Variants in PTPRT observed in about 807,000 individuals in gnomAD.
The protein encoded by PTPRT is protein tyrosine phosphatase receptor type T, also known as receptor-type tyrosine-protein phosphatase T.
PTPRT carries 56 observed loss-of-function variants against 176.8 expected under a neutral mutation model. The ratio of observed to expected loss-of-function variants is 0.32; its 90% CI spans 0.26 to 0.40. The LOEUF (loss-of-function observed/expected upper bound fraction) is 0.40. Ranked by LOEUF, PTPRT falls within the 10% of genes least tolerant of loss-of-function variation. PTPRT has a pLI of 1.00. For missense variants in PTPRT, 1,540 were observed against 1,908.2 expected (o/e 0.81, Z 3.60); for synonymous variants, 783 against 739.0 (o/e 1.06, Z -0.96).
chr20:42,703,514 G>C (rs1007543221), intron 6 of PTPRT, among the ~76,000 whole-genome samples: 1 of 152,210 alleles, frequency 6.6e-6, no homozygotes, highest in African/African-American at 2.4e-5. Context: ...GGTAGGCAGA[G>C]CTATGTGCAG....
At chr20:42,087,814 A>G (rs1984143310) in intron 27 of PTPRT, among the ~76,000 whole-genome samples, 2 of 137,434 alleles carry the variant, frequency 1.5e-5, no homozygotes, top group African/African-American at 2.6e-5. Context: ...CAGAGGTTGT[A>G]GTGGGTGGAG....
At chr20:42,368,679 G>A (rs909157518) in intron 9 of PTPRT, among the ~76,000 whole-genome samples, 1 of 152,214 alleles carries the variant, frequency 6.6e-6, no homozygotes, top group East Asian at 1.9e-4. Context: ...TTTCATGTAG[G>A]AGGTGGAAAG....
intron 13 of PTPRT, among the ~76,000 whole-genome samples, chr20:42,257,644 C>CA (rs2056668097): frequency 1.2e-3 from 13 of 10,440 alleles, no homozygotes; most frequent in Non-Finnish European, 3.6e-3. Flanking sequence ...CCTCCCCCCA[C>CA]CCCCCCCCCC....
intron 7 of PTPRT, among the ~76,000 whole-genome samples, chr20:42,661,746 C>T (rs2075226497): frequency 1.3e-5 from 2 of 152,216 alleles, no homozygotes; most frequent in Non-Finnish European, 2.9e-5. Context: ...TCAAGAATCT[C>T]AGGATGACTT....
intron 9 of PTPRT, among the ~76,000 whole-genome samples, chr20:42,409,370 TA>T (rs1333328218): frequency 1.3e-5 from 2 of 151,376 alleles, no homozygotes; most frequent in African/African-American, 2.4e-5. Flanking sequence ...TAGTCCCAGC[TA>T]CTCAGGAGGC....
Position 42,160,152 on chromosome 20 carries a change from A to C in PTPRT, c.2682+1200T>G, listed in dbSNP as rs182401886. Among the ~76,000 whole-genome samples, 66 of 152,284 alleles carry C rather than the reference A, an allele frequency of 4.3e-4. 1 individual carries two copies. The highest frequency in any genetic ancestry group is 2.0e-3 in the Admixed American group (31 of 15,294). On this transcript the variant is annotated intron_variant, in intron 17 of 30. Coordinates refer to ENST00000373187, the MANE Select transcript of PTPRT (RefSeq NM_007050.6). ...TGCATGTGAAGAAAAAAAAAAGAAC[A>C]AACAACAAAAAAACCACAAATACAT... is the stretch of plus-strand genomic sequence containing the variant.
At chr20:42,820,449 G>A (rs76722913) in intron 2 of PTPRT, among the ~76,000 whole-genome samples, 1 of 152,088 alleles carries the variant, frequency 6.6e-6, no homozygotes. Context: ...AGCACTAAAT[G>A]CCCACATCAG....
chr20:42,200,972 T>A (rs1416990976), intron 15 of PTPRT, among the ~76,000 whole-genome samples: 1 of 152,224 alleles, frequency 6.6e-6, no homozygotes, highest in Non-Finnish European at 1.5e-5. Context: ...ACAGATAGTT[T>A]CAAGAGGTAA....
chr20:42,316,920 C>G (rs1166169559), intron 11 of PTPRT, among the ~76,000 whole-genome samples: 1 of 152,180 alleles, frequency 6.6e-6, no homozygotes, highest in Non-Finnish European at 1.5e-5. Flanking sequence ...TAATCTCCAT[C>G]TGCTTTGTTT....
rs550638101 is a variant in PTPRT at position 43,188,756 on chromosome 20, G to A, written c.88+890C>T. 9.6e-4 allele frequency among the ~76,000 whole-genome samples: 144 copies of A among 150,374 alleles called. 18 individuals are homozygous for A. Among genetic ancestry groups the A allele is most frequent in the African/African-American group, 3.4e-3 (140 of 41,182 alleles). ...TCCCTCCGCCGCTACTCTTGGGGGG[G>A]GGGGGGCTCGGGGGTGGAAGCTGCC... On this transcript the variant is annotated intron_variant, in intron 1 of 30. Coordinates refer to ENST00000373187, the MANE Select transcript of PTPRT (RefSeq NM_007050.6).
rs1044562046 is a variant in PTPRT, at chr20:42,641,522, C to G, written c.1153+36344G>C. 4.6e-5 allele frequency among the ~76,000 whole-genome samples: 7 copies of G among 152,152 alleles called. No homozygotes were observed. The East Asian group carries it at 1.3e-3, about 29-fold the overall frequency. The stretch of plus-strand genomic sequence containing the variant: ...AGGGTCTCTATCATAGGTCAGGCAT[C>G]AGCTTTTCTGTAAACCAAAGCCTAC... On this transcript the variant is annotated intron_variant, in intron 7 of 30. Transcript: ENST00000373187.
At chr20:43,096,177 C>A (rs917257680) in intron 1 of PTPRT, among the ~76,000 whole-genome samples, 2 of 150,766 alleles carry the variant, frequency 1.3e-5, no homozygotes, top group Admixed American at 6.6e-5. Context: ...TATCTCCCCG[C>A]CTTGCTCCCT....
intron 17 of PTPRT, among the ~76,000 whole-genome samples, chr20:42,153,446 G>T (rs765788080): frequency 6.6e-6 from 1 of 152,090 alleles, no homozygotes; most frequent in Non-Finnish European, 1.5e-5. Context: ...TTGACTCTTG[G>T]TCAAAGGATT....
At chr20:42,713,967 A>G (rs1270111194) in intron 6 of PTPRT, among the ~76,000 whole-genome samples, 6 of 152,160 alleles carry the variant, frequency 3.9e-5, no homozygotes, top group South Asian at 2.1e-4. Flanking sequence ...CAGAACCATG[A>G]GCCAATTAAA....
chr20:42,832,426 TG>T lies in PTPRT; in HGVS notation c.215-40961del, dbSNP rs1234566796. On this transcript the variant is annotated intron_variant, in intron 2 of 30. Coordinates refer to ENST00000373187, the MANE Select transcript of PTPRT (RefSeq NM_007050.6). ...ACTATTGGGTACTGAGCTTAGGACC[TG>T]GGTAACAAAATAATCAAACCCCACA... 7.9e-5 allele frequency among the ~76,000 whole-genome samples: 12 copies of T among 152,082 alleles called. No individual in the cohort carries two copies. The East Asian group carries it at 2.1e-3, about 27-fold the overall frequency.
intron 1 of PTPRT, among the ~76,000 whole-genome samples, chr20:43,055,193 C>T (rs1307331659): frequency 6.6e-6 from 1 of 152,184 alleles, no homozygotes; most frequent in African/African-American, 2.4e-5. Context: ...GCACCGACCC[C>T]TGAAAACCCA....
intron 1 of PTPRT, among the ~76,000 whole-genome samples, chr20:43,074,700 T>C (rs1029866020): frequency 6.6e-6 from 1 of 152,228 alleles, no homozygotes; most frequent in African/African-American, 2.4e-5. Context: ...TAGTACTTAG[T>C]TTCTCTATCT....
rs572211002 is a variant in PTPRT, at chr20:42,357,289, A to G, written c.1561-5004T>C. Among the ~76,000 whole-genome samples, 6 of 152,318 alleles carry G rather than the reference A, an allele frequency of 3.9e-5. No homozygotes were observed. The South Asian group carries it at 1.2e-3, about 32-fold the overall frequency. On this transcript the variant is annotated intron_variant, in intron 9 of 30. Transcript: ENST00000373187. ...AGAGAAGTAGCAACAGATACCCTAC[A>G]GCCCACGCTGCCTAAAATATTTATT... is the stretch of plus-strand genomic sequence containing the variant.
intron 15 of PTPRT, among the ~76,000 whole-genome samples, chr20:42,202,563 T>C (rs1991497376): frequency 6.6e-6 from 1 of 152,190 alleles, no homozygotes; most frequent in Non-Finnish European, 1.5e-5. Context: ...CTGATGACAT[T>C]TTGAAATTTT....
Sources: allele counts gnomAD v4.1 joint callset (sites outside exome capture counted in the v4.1 genomes callset), GRCh38; gene constraint gnomAD v4.1.1; transcripts MANE v1.5; gene names NCBI Gene and HGNC (gene_info 2026-07-23, HGNC 2026-07-21).